The following WDR33 variants were observed in gnomAD, a reference collection of about 807,000 sequenced individuals.
WDR33 encodes the protein WD repeat domain 33, also known as pre-mRNA 3' end processing protein WDR33.
WDR33 carries 47 observed loss-of-function variants against 164.9 expected under a neutral mutation model. The observed-to-expected ratio is 0.29, with a 90% CI of 0.23 to 0.36. WDR33 has a LOEUF of 0.36. Ranked by LOEUF, WDR33 falls within the 10% of genes least tolerant of loss-of-function variation. The pLI, the probability that WDR33 is intolerant of heterozygous loss-of-function variation, is 1.00. For synonymous variants in WDR33, 505 were observed against 589.0 expected, an observed-to-expected ratio of 0.86 and a Z score of 2.06; for missense variants, 1,137 against 1,754.1, an observed-to-expected ratio of 0.65 and a Z score of 6.28.
At chr2:127,783,583 T>C (rs970743629) in intron 1 of WDR33, among the ~76,000 whole-genome samples, 26 of 151,464 alleles carry the variant, frequency 1.7e-4, no homozygotes, top group Admixed American at 1.4e-3. Context: ...TCTTCAGCTA[T>C]TTTATTTCAG....
At position 127,703,411 on chromosome 2, in the gene WDR33, G is replaced by A. The variant is rs938510582; in HGVS notation, c.*2912C>T. ...TGCTTTTCCTGAGCTGGATCCCAGT[G>A]TTGCCTTAACAGGGTGTCTGTCGTG... is the stretch of plus-strand genomic sequence containing the variant. On this transcript the variant is annotated 3_prime_UTR_variant, in exon 22 of 22. Coordinates refer to ENST00000322313, the MANE Select transcript of WDR33 (RefSeq NM_018383.5). 1 of 167,082 alleles carries A rather than the reference G, an allele frequency of 6.0e-6. No individual in the cohort carries two copies. Among genetic ancestry groups the A allele is most frequent in the Non-Finnish European group, 1.5e-5 (1 of 68,138 alleles). 10.3% of individuals were successfully genotyped at this position (167,082 alleles called of 1,614,324 possible). A position where few individuals can be genotyped will look rare whatever the true frequency, so the allele number is the denominator to read the frequency against.
chr2:127,735,494 T>C lies in WDR33; in HGVS notation c.725-8717A>G, dbSNP rs1228988360. On this transcript the variant is annotated intron_variant, in intron 7 of 21. Coordinates refer to ENST00000322313, the MANE Select transcript of WDR33 (RefSeq NM_018383.5). This position sits in a 1 kb window ranked among gnomAD's most constrained non-coding sequence, Gnocchi z 4.3. ...ACAAATCTTAAAAAAAATTCTTTTA[T>C]ACAAAACTTATAAAAAGCACCAAGA... 1.0e-6 allele frequency: 1 copy of C among 985,170 alleles called. No individual in the cohort carries two copies. The highest frequency in any genetic ancestry group is 1.1e-4 in the East Asian group (1 of 8,812). 61.0% of individuals were successfully genotyped at this position (985,170 alleles called of 1,614,324 possible). A position where few individuals can be genotyped will look rare whatever the true frequency, so the allele number is the denominator to read the frequency against.
chr2:127,807,336 C>T (rs1240143208), intron 1 of WDR33, among the ~76,000 whole-genome samples: 1 of 152,118 alleles, frequency 6.6e-6, no homozygotes, highest in African/African-American at 2.4e-5. Flanking sequence ...AAAAAGTTAC[C>T]AGAATATTCC....
chr2:127,712,751 T>TTTTTGTTTTG lies in WDR33; in HGVS notation c.3308+822_3308+831dup, dbSNP rs376187830. Among the ~76,000 whole-genome samples the TTTTTGTTTTG allele has an allele frequency of 6.6e-6, 1 of 152,126 alleles. No homozygotes were observed. The highest frequency in any genetic ancestry group is 2.4e-5 in the African/African-American group (1 of 41,376). The stretch of plus-strand genomic sequence containing the variant: ...TGAGATTTTACTATTTCCTGGTGTT[T>TTTTTGTTTTG]TTTTGTTTTGTTTTGTTTTTCTTTT... On this transcript the variant is annotated intron_variant, in intron 18 of 21. Coordinates refer to ENST00000322313, the MANE Select transcript of WDR33 (RefSeq NM_018383.5). The surrounding 1 kb of genome is among the most constrained non-coding windows in gnomAD (Gnocchi z 4.0).
intron 1 of WDR33, among the ~76,000 whole-genome samples, chr2:127,783,122 G>A (rs2105463898): frequency 6.6e-6 from 1 of 152,184 alleles, no homozygotes; most frequent in South Asian, 2.1e-4. Flanking sequence ...GTATTGTTGG[G>A]GATTCCTAGT....
In WDR33 at chr2:127,799,827, G is replaced by A. The variant is rs531343377; in HGVS notation, c.-24+11185C>T. ...GAGGACTGCTTGAGCCCAAGAGTTC[G>A]AGGCTGCAGTGCACTGTGATCACAC... On this transcript the variant is annotated intron_variant, in intron 1 of 21. Coordinates refer to ENST00000322313, the MANE Select transcript of WDR33 (RefSeq NM_018383.5). 4.6e-5 allele frequency among the ~76,000 whole-genome samples: 7 copies of A among 152,322 alleles called. 1 individual carries two copies. The highest frequency in any genetic ancestry group is 2.1e-4 in the South Asian group (1 of 4,832).
intron 7 of WDR33, among the ~76,000 whole-genome samples, chr2:127,752,120 G>A (rs1312682747): frequency 6.6e-6 from 1 of 152,186 alleles, no homozygotes; most frequent in African/African-American, 2.4e-5. Flanking sequence ...CCTTACTGCT[G>A]ACACATTACT....
intron 4 of WDR33, among the ~76,000 whole-genome samples, chr2:127,767,296 G>A (rs1687852333): frequency 6.6e-6 from 1 of 152,046 alleles, no homozygotes; most frequent in Non-Finnish European, 1.5e-5. Flanking sequence ...TAACCAACAA[G>A]TGCATTAGCT....
rs1558921425 is a variant in WDR33 at position 127,716,449 on chromosome 2, C to T, written c.2869+706G>A. Among the ~76,000 whole-genome samples the T allele has an allele frequency of 6.6e-6, 1 of 152,168 alleles. No individual in the cohort carries two copies. On this transcript the variant is annotated intron_variant, in intron 17 of 21. Transcript: ENST00000322313. The surrounding 1 kb of genome is among the most constrained non-coding windows in gnomAD (Gnocchi z 4.5). Reference sequence around the variant, plus strand: ...GAACATAACACAGTGTTTCCTCTCACTCCCCTCCATCCACTCCGAGTCACC... The same window carrying T: ...GAACATAACACAGTGTTTCCTCTCATTCCCCTCCATCCACTCCGAGTCACC...
chr2:127,724,211 A>C lies in WDR33; in HGVS notation c.1196+122T>G, dbSNP rs1686509179. On this transcript the variant is annotated intron_variant, in intron 11 of 21. Transcript: ENST00000322313. The surrounding 1 kb of genome is among the most constrained non-coding windows in gnomAD (Gnocchi z 4.8). ...TAAGTATTTGTAAACCACTACAAAA[A>C]TATTCCCAAGAATAAGTTGGAATAT... 1.4e-6 allele frequency: 1 copy of C among 720,976 alleles called. No individual in the cohort carries two copies. The highest frequency in any genetic ancestry group is 2.9e-5 in the East Asian group (1 of 33,978). The allele number at this position is 720,976 out of a possible 1,614,324, so 44.7% of individuals were successfully genotyped here.
At position 127,701,417 on chromosome 2, in the gene WDR33, G is replaced by A. The variant is rs11682149; in HGVS notation, c.*4906C>T. The A allele has an allele frequency of 8.3e-5, 90 of 1,081,398 alleles. No homozygotes were observed. Among genetic ancestry groups the A allele is most frequent in the Non-Finnish European group, 1.0e-4 (86 of 853,108 alleles). 67.0% of individuals were successfully genotyped at this position (1,081,398 alleles called of 1,614,324 possible). On this transcript the variant is annotated 3_prime_UTR_variant, in exon 22 of 22. Coordinates refer to ENST00000322313, the MANE Select transcript of WDR33 (RefSeq NM_018383.5). ...CCGCGGCACTTCCGCGAGCGCCGCA[G>A]GCCCTGCCCCTTTCGCCGTCGCCGA... is the stretch of plus-strand genomic sequence containing the variant.
chr2:127,771,560 T>C (rs1040746393), intron 1 of WDR33, among the ~76,000 whole-genome samples: 2 of 152,162 alleles, frequency 1.3e-5, no homozygotes, highest in African/African-American at 4.8e-5. Context: ...AAGGATCGCT[T>C]GAGGCCAGGA....
intron 7 of WDR33, among the ~76,000 whole-genome samples, chr2:127,742,469 G>A (rs1388210121): frequency 6.7e-6 from 1 of 148,722 alleles, no homozygotes; most frequent in Non-Finnish European, 1.5e-5. Context: ...CATGCCTACA[G>A]TGAGCCATGA....
At chr2:127,765,978 T>G (rs1348190906) in intron 4 of WDR33, among the ~76,000 whole-genome samples, 1 of 152,046 alleles carries the variant, frequency 6.6e-6, no homozygotes, top group African/African-American at 2.4e-5. Context: ...TGCCAATAAC[T>G]TTTTTTGCAC....
chr2:127,791,566 C>T (rs1688846728), intron 1 of WDR33, among the ~76,000 whole-genome samples: 1 of 152,062 alleles, frequency 6.6e-6, no homozygotes. Flanking sequence ...ATCATGAGGG[C>T]CCCAACCTCA....
intron 1 of WDR33, among the ~76,000 whole-genome samples, chr2:127,805,779 A>G (rs1689414888): frequency 6.6e-6 from 1 of 152,174 alleles, no homozygotes. Flanking sequence ...GAATTTAAAA[A>G]TCTGGCAGAA....
chr2:127,735,637 T>G lies in WDR33; in HGVS notation c.725-8860A>C, dbSNP rs1181931835. ...ACATTAACAGCAAACTCAGGCTACT[T>G]CTAGCCACAAGAACATAAAATGTAA... On this transcript the variant is annotated intron_variant, in intron 7 of 21. Coordinates refer to ENST00000322313, the MANE Select transcript of WDR33 (RefSeq NM_018383.5). This position sits in a 1 kb window ranked among gnomAD's most constrained non-coding sequence, Gnocchi z 4.3. 2 of 985,708 alleles carry G rather than the reference T, an allele frequency of 2.0e-6. No individual in the cohort carries two copies. Among genetic ancestry groups the G allele is most frequent in the Admixed American group, 6.2e-5 (1 of 16,258 alleles). 61.1% of individuals were successfully genotyped at this position (985,708 alleles called of 1,614,324 possible). A position where few individuals can be genotyped will look rare whatever the true frequency, so the allele number is the denominator to read the frequency against.
At chr2:127,774,627 A>T (rs1688124355) in intron 1 of WDR33, among the ~76,000 whole-genome samples, 2 of 152,158 alleles carry the variant, frequency 1.3e-5, no homozygotes, top group Non-Finnish European at 2.9e-5. Flanking sequence ...CAGGAGATCG[A>T]GACCATCCCG....
intron 1 of WDR33, among the ~76,000 whole-genome samples, chr2:127,802,825 C>CA (rs1689299479): frequency 6.6e-6 from 1 of 151,786 alleles, no homozygotes; most frequent in Admixed American, 6.6e-5. Flanking sequence ...CCAAAAAACA[C>CA]AAAAAATTAG....
Sources: gnomAD v4.1 joint callset for allele counts (sites outside exome capture counted in the v4.1 genomes callset) on GRCh38, gnomAD v4.1.1 for gene constraint, Gnocchi (gnomAD v3.1) non-coding constraint, MANE v1.5 for transcripts, NCBI Gene and HGNC (gene_info 2026-07-23, HGNC 2026-07-21) for gene names.